PDE4B: variants seen among roughly 807,000 people sequenced by gnomAD.
PDE4B encodes 3',5'-cyclic-AMP phosphodiesterase 4B.
Under a neutral mutation model 82.2 loss-of-function variants are expected in PDE4B, and 20 were observed. The observed-to-expected ratio is 0.24, with a 90% CI of 0.17 to 0.35. PDE4B has a LOEUF of 0.35. PDE4B is among the 10% of genes least tolerant of loss of function. The pLI is 1.00. For synonymous variants in PDE4B, 320 were observed against 318.9 expected (o/e 1.00, Z -0.04); for missense variants, 655 against 907.2 (o/e 0.72, Z 3.57).
chr1:65,914,202 G>A (rs1647129982), intron 2 of PDE4B, among the ~76,000 whole-genome samples: 1 of 152,186 alleles, frequency 6.6e-6, no homozygotes, highest in African/African-American at 2.4e-5. Context: ...TTAAGCTCCT[G>A]TTTCACAGAT....
chr1:65,941,519 G>A (rs1648447780), intron 3 of PDE4B, among the ~76,000 whole-genome samples: 1 of 151,816 alleles, frequency 6.6e-6, no homozygotes, highest in South Asian at 2.1e-4. Context: ...TTTACCAGAG[G>A]AAAAACCAGA....
chr1:66,307,633 G>C (rs1230588423), intron 7 of PDE4B, among the ~76,000 whole-genome samples: 5 of 152,164 alleles, frequency 3.3e-5, no homozygotes, highest in Non-Finnish European at 5.9e-5. Context: ...TGTAAACCCA[G>C]ATTGAGGGCC....
intron 3 of PDE4B, among the ~76,000 whole-genome samples, chr1:66,192,452 A>G (rs1647903287): frequency 6.6e-6 from 1 of 151,978 alleles, no homozygotes; most frequent in South Asian, 2.1e-4. Context: ...TTCTCACTGT[A>G]CTGTCCTTAC....
In PDE4B at chr1:66,280,951, G is replaced by A. The variant is rs574234866; in HGVS notation, c.634+14864G>A. ...GACTGGCACAGCAGACGTAAACATCGTCACCAGGGTGTACATAGCTTTAAC... is the reference window on the plus strand; with the variant it reads ...GACTGGCACAGCAGACGTAAACATCATCACCAGGGTGTACATAGCTTTAAC... On this transcript the variant is annotated intron_variant, in intron 7 of 16. Coordinates refer to ENST00000341517, the MANE Select transcript of PDE4B (RefSeq NM_002600.4). Among the ~76,000 whole-genome samples, 4 of 152,262 alleles carry A rather than the reference G, an allele frequency of 2.6e-5. No individual in the cohort carries two copies. The South Asian group carries it at 6.2e-4, about 24-fold the overall frequency.
intron 3 of PDE4B, among the ~76,000 whole-genome samples, chr1:66,051,525 C>T (rs979113922): frequency 2.0e-5 from 3 of 151,966 alleles, no homozygotes; most frequent in African/African-American, 7.3e-5. Flanking sequence ...TTCCTTTATT[C>T]CTCTCGCTGA....
chr1:66,121,966 G>A (rs187267113), intron 3 of PDE4B, among the ~76,000 whole-genome samples: 11 of 151,076 alleles, frequency 7.3e-5, no homozygotes, highest in Admixed American at 1.3e-4. Context: ...GTCTCCTTCC[G>A]TCCCTGTCTT....
intron 3 of PDE4B, among the ~76,000 whole-genome samples, chr1:66,155,500 C>G (rs188304044): frequency 1.9e-4 from 29 of 152,184 alleles, no homozygotes; most frequent in Non-Finnish European, 3.4e-4. Context: ...TAATTTTTAG[C>G]AAGGTCAATC....
chr1:66,152,079 G>A (rs1384036133), intron 3 of PDE4B, among the ~76,000 whole-genome samples: 1 of 152,094 alleles, frequency 6.6e-6, no homozygotes, highest in African/African-American at 2.4e-5. Context: ...ATAAAAATCT[G>A]TTTAGATGAC....
intron 3 of PDE4B, among the ~76,000 whole-genome samples, chr1:65,950,870 A>G (rs1648958447): frequency 6.6e-6 from 1 of 152,068 alleles, no homozygotes; most frequent in Admixed American, 6.6e-5. Flanking sequence ...TCACCACAAT[A>G]TTACAGAGCT....
intron 3 of PDE4B, among the ~76,000 whole-genome samples, chr1:66,026,937 T>C (rs960106333): frequency 6.6e-6 from 1 of 152,266 alleles, no homozygotes; most frequent in African/African-American, 2.4e-5. Flanking sequence ...CATGGCTCAG[T>C]AAACTTACGT....
intron 7 of PDE4B, chr1:66,267,010 G>T (rs1655100077): frequency 5.4e-6 from 1 of 184,486 alleles, no homozygotes; most frequent in Non-Finnish European, 1.2e-5. Flanking sequence ...TTTCTTTCTG[G>T]TATCCTGATC....
intron 3 of PDE4B, among the ~76,000 whole-genome samples, chr1:66,078,668 C>T (rs374722738): frequency 2.4e-4 from 37 of 152,090 alleles, no homozygotes; most frequent in Non-Finnish European, 3.4e-4. Context: ...CTGGGCAATT[C>T]GTCTTTTAAA....
intron 7 of PDE4B, among the ~76,000 whole-genome samples, chr1:66,291,840 A>G (rs1479467929): frequency 1.3e-5 from 2 of 152,318 alleles, no homozygotes; most frequent in South Asian, 2.1e-4. Flanking sequence ...TTTTAGTTTC[A>G]ATATCCGAGT....
intron 4 of PDE4B, among the ~76,000 whole-genome samples, chr1:66,250,572 G>A (rs916442494): frequency 1.3e-5 from 2 of 152,182 alleles, no homozygotes; most frequent in Non-Finnish European, 2.9e-5. Flanking sequence ...AGGCTTTATA[G>A]TGAAGTAAAG....
chr1:66,237,998 A>G (rs1190130145), intron 3 of PDE4B, among the ~76,000 whole-genome samples: 1 of 152,202 alleles, frequency 6.6e-6, no homozygotes, highest in Non-Finnish European at 1.5e-5. Flanking sequence ...AAAAAGCTTT[A>G]ATAGGTACTG....
chr1:66,354,622 A>G, intron 8 of PDE4B: 1 of 1,357,392 alleles, frequency 7.4e-7, no homozygotes, highest in Non-Finnish European at 9.5e-7. Flanking sequence ...CTCTTCTGCC[A>G]GGAAATAAGC....
chr1:66,091,737 A>G (rs1241604542), intron 3 of PDE4B, among the ~76,000 whole-genome samples: 1 of 152,098 alleles, frequency 6.6e-6, no homozygotes, highest in Non-Finnish European at 1.5e-5. Context: ...AAAGTATATT[A>G]TGAGGTTTGT....
intron 7 of PDE4B, among the ~76,000 whole-genome samples, chr1:66,325,788 G>A (rs1290545426): frequency 6.6e-6 from 1 of 152,174 alleles, no homozygotes; most frequent in Non-Finnish European, 1.5e-5. Flanking sequence ...AAGTGACCCA[G>A]GACCAGAGAA....
chr1:66,328,722 C>T (rs564997357), intron 7 of PDE4B, among the ~76,000 whole-genome samples: 155 of 152,322 alleles, frequency 1.0e-3, no homozygotes, highest in Admixed American at 1.5e-3. Flanking sequence ...CCCACCTGCA[C>T]TTGTGACCAT....
Sources: allele counts gnomAD v4.1 joint callset (sites outside exome capture counted in the v4.1 genomes callset), GRCh38; gene constraint gnomAD v4.1.1; transcripts MANE v1.5; gene names NCBI Gene and HGNC (gene_info 2026-07-23, HGNC 2026-07-21).